The following TNRC6A variants were observed in gnomAD, a reference collection of about 807,000 sequenced individuals.
TNRC6A encodes trinucleotide repeat-containing gene 6A protein.
In TNRC6A, 44 loss-of-function variants were observed where a neutral mutation model predicts 221.2. That is an observed-to-expected ratio of 0.20 (90% CI 0.16 to 0.26). The LOEUF is 0.26. Among genes scored for constraint, TNRC6A ranks in the 10% least tolerant of loss-of-function variants. TNRC6A has a pLI of 1.00. For missense variants in TNRC6A, 2,199 were observed against 2,404.4 expected (o/e 0.91, Z 1.79); for synonymous variants, 847 against 838.5 (o/e 1.01, Z -0.18).
chr16:24,729,952 C>A, intron 1 of TNRC6A, 106 bp downstream of exon 1: 17 of 1,039,642 alleles, frequency 1.6e-5, no homozygotes, highest in Non-Finnish European at 1.9e-5. Context: ...CGGGCGTCCC[C>A]GAGACTTCGG....
chr16:24,659,756 A>G (rs549682854), intron 2 of TNRC6A, among the ~76,000 whole-genome samples: 1 of 152,226 alleles, frequency 6.6e-6, no homozygotes, highest in South Asian at 2.1e-4. Flanking sequence ...TCTTTCTTGT[A>G]CTGTGACTAG....
chr16:24,795,139 T>A (rs1485804480), intron 8 of TNRC6A, among the ~76,000 whole-genome samples: 1 of 152,214 alleles, frequency 6.6e-6, no homozygotes, highest in Non-Finnish European at 1.5e-5. Context: ...ACCTGTCATG[T>A]TTGTCCCTAT....
At position 24,789,460 on chromosome 16, in the gene TNRC6A, C is replaced by T. The variant is rs1015259456; in HGVS notation, c.818C>T (p.Ser273Leu). 3 of 1,614,094 alleles carry T rather than the reference C, an allele frequency of 1.9e-6. No homozygotes were observed. The African/African-American group carries it at 4.0e-5, about 22-fold the overall frequency. The change falls in exon 6 of 25, where the codon TCA (serine) becomes TTA (leucine). Residue 273 changes from serine to leucine, a missense_variant. Coordinates refer to ENST00000395799, the MANE Select transcript of TNRC6A (RefSeq NM_014494.4). ...GAGAGAAACATCACTATCATGGCTT[C>T]AGGGAACACAGGTGGTGAAAAAGAT... ...ESERNITIMA[S>L]GNTGGEKDGL...
At chr16:24,764,908 A>G (rs890291209) in intron 4 of TNRC6A, among the ~76,000 whole-genome samples, 2 of 152,246 alleles carry the variant, frequency 1.3e-5, no homozygotes, top group African/African-American at 4.8e-5. Flanking sequence ...AGGTATAGTA[A>G]GAGATTAACA....
At position 24,791,718 on chromosome 16, in the gene TNRC6A, G is replaced by A. The variant is rs374666136; in HGVS notation, c.3076G>A (p.Val1026Ile). 9.9e-6 allele frequency: 16 copies of A among 1,613,158 alleles called. No homozygotes were observed. Among genetic ancestry groups the A allele is most frequent in the Admixed American group, 3.3e-5 (2 of 59,858 alleles). Residue 1026 changes from valine to isoleucine, a missense_variant, in exon 6 of 25, where the codon GTC becomes ATC. Physicochemically the swap from Val to Ile is conservative, Grantham distance 29. This residue lies in a region of TNRC6A where 1,405 missense variants were observed against 1,400.2 expected (regional missense o/e 1.00). Transcript: ENST00000395799. Reference protein sequence around the residue: ...YKNVNMWNKNVPNGNSRSDQQ... With the variant: ...YKNVNMWNKNIPNGNSRSDQQ... ...AAATGTGAACATGTGGAACAAAAAC[G>A]TCCCAAATGGCAACAGCCGTTCAGA... is the stretch of plus-strand genomic sequence containing the variant.
intron 2 of TNRC6A, among the ~76,000 whole-genome samples, chr16:24,712,388 A>G (rs1332299255): frequency 1.3e-5 from 2 of 152,182 alleles, no homozygotes; most frequent in African/African-American, 4.8e-5. Context: ...ACCCTTAAAC[A>G]ATAGCATACC....
intron 2 of TNRC6A, among the ~76,000 whole-genome samples, chr16:24,708,672 C>T (rs1161620074): frequency 6.6e-6 from 1 of 152,060 alleles, no homozygotes; most frequent in African/African-American, 2.4e-5. Flanking sequence ...CTTCGAGTCC[C>T]CAGAGTCCAT....
upstream of TNRC6A, among the ~76,000 whole-genome samples, chr16:24,726,042 C>T (rs1286875864): frequency 1.3e-5 from 2 of 151,780 alleles, no homozygotes; most frequent in African/African-American, 2.4e-5. Flanking sequence ...TAGACTTCAT[C>T]CACCACTGTA....
intron 15 of TNRC6A, 136 bp downstream of exon 15, chr16:24,805,869 CG>C: frequency 8.5e-7 from 1 of 1,173,120 alleles, no homozygotes; most frequent in Non-Finnish European, 1.2e-6. Flanking sequence ...TACAGTCTAT[CG>C]GGGGAGACAG....
At chr16:24,643,134 A>G (rs1902084173) in intron 2 of TNRC6A, among the ~76,000 whole-genome samples, 1 of 43,768 alleles carries the variant, frequency 2.3e-5, no homozygotes, top group Non-Finnish European at 4.8e-5. Context: ...AAATATATAT[A>G]TATAAAAAAT....
chr16:24,632,995 G>A (rs1427288558), intron 1 of TNRC6A, among the ~76,000 whole-genome samples: 3 of 137,180 alleles, frequency 2.2e-5, no homozygotes, highest in Non-Finnish European at 4.6e-5. Context: ...GGTGACAAGA[G>A]CAAAACTCAG....
intron 1 of TNRC6A, among the ~76,000 whole-genome samples, chr16:24,612,455 A>G (rs1423128363): frequency 6.6e-6 from 1 of 151,920 alleles, no homozygotes; most frequent in Non-Finnish European, 1.5e-5. Context: ...CTTCGAAAGA[A>G]AGCTATCCAG....
At chr16:24,727,105 C>T (rs548663067), upstream of TNRC6A, among the ~76,000 whole-genome samples, 3 of 151,156 alleles carry the variant, frequency 2.0e-5, no homozygotes, top group East Asian at 5.9e-4. Context: ...TCTCAGCTCA[C>T]TGCAACCTCT....
chr16:24,718,808 G>A (rs564478127), intron 2 of TNRC6A, among the ~76,000 whole-genome samples: 1 of 152,082 alleles, frequency 6.6e-6, no homozygotes, highest in East Asian at 1.9e-4. Flanking sequence ...AGGCTGAGGC[G>A]GGCGGATCAC....
At chr16:24,758,457 A>G in intron 4 of TNRC6A, 97 bp downstream of exon 4, 3 of 1,303,416 alleles carry the variant, frequency 2.3e-6, no homozygotes, top group Non-Finnish European at 2.2e-6. Flanking sequence ...AGAGAAGAGC[A>G]TGAAAGAAGC....
At chr16:24,806,469 C>G (rs2058434324) in intron 16 of TNRC6A, 105 bp from the exon 17 acceptor site, 1 of 1,445,198 alleles carries the variant, frequency 6.9e-7, no homozygotes, top group Admixed American at 1.9e-5. Flanking sequence ...GATTATTCAC[C>G]TTTCTGCTGA....
chr16:24,741,619 T>A (rs577177541), intron 2 of TNRC6A, among the ~76,000 whole-genome samples: 23 of 152,226 alleles, frequency 1.5e-4, no homozygotes, highest in Non-Finnish European at 2.8e-4. Context: ...GGTACCTGAT[T>A]TGCTCTGGTT....
chr16:24,675,700 CTCTATATATATATATATATATATATA>C (rs1156444271), intron 2 of TNRC6A, among the ~76,000 whole-genome samples: 1 of 54,882 alleles, frequency 1.8e-5, no homozygotes, highest in Non-Finnish European at 3.5e-5. Context: ...CTCTCTCTCT[CTCTATATATATATATATATATATATA>C]TATATATATA....
rs1406494562 is a variant in TNRC6A at position 24,651,753 on chromosome 16, A to C, written n.402+10744A>C. On this transcript the variant is annotated intron_variant and non_coding_transcript_variant, in intron 2 of 2. Transcript: ENST00000566108. ...AAATAAAAAATAAAATAAAATAAAA[A>C]TAGGCACATGGTTAGATTGCTAAGA... is the stretch of plus-strand genomic sequence containing the variant. Among the ~76,000 whole-genome samples, 9 of 151,138 alleles carry C rather than the reference A, an allele frequency of 6.0e-5. No individual in the cohort carries two copies. In the East Asian group the frequency reaches 7.7e-4, roughly 13 times the overall value.
Sources: allele counts gnomAD v4.1 joint callset (sites outside exome capture counted in the v4.1 genomes callset), GRCh38; gene constraint gnomAD v4.1.1; regional missense constraint gnomAD v4.1.1; transcripts MANE v1.5; gene names NCBI Gene and HGNC (gene_info 2026-07-23, HGNC 2026-07-21).